ARHGEF10L: variants seen among roughly 807,000 people sequenced by gnomAD.
ARHGEF10L encodes rho guanine nucleotide exchange factor 10-like protein.
A neutral mutation model predicts 141.2 loss-of-function variants in ARHGEF10L; 69 were observed. That is an observed-to-expected ratio of 0.49 (90% CI 0.40 to 0.60). The LOEUF is 0.60. Among genes scored for constraint, ARHGEF10L ranks in the 20% least tolerant of loss-of-function variants. ARHGEF10L has a pLI of 0.00. For synonymous variants in ARHGEF10L, 711 were observed against 718.5 expected (o/e 0.99, Z 0.17); for missense variants, 1,482 against 1,734.3 (o/e 0.85, Z 2.58).
At chr1:17,594,087 A>G (rs1348715198) in intron 4 of ARHGEF10L, among the ~76,000 whole-genome samples, 1 of 151,502 alleles carries the variant, frequency 6.6e-6, no homozygotes, top group Admixed American at 6.6e-5. Flanking sequence ...ATGCTCTGCC[A>G]GGCCATGTTA....
At chr1:17,516,801 T>C in the ARHGEF10L span, among the ~76,000 whole-genome samples, 1 of 152,008 alleles carries the variant, frequency 6.6e-6, no homozygotes, top group African/African-American at 2.4e-5. Flanking sequence ...AACGAAGAGG[T>C]CTCCATGCTA....
chr1:17,610,971 T>A (rs985126352), intron 7 of ARHGEF10L, among the ~76,000 whole-genome samples: 1 of 151,474 alleles, frequency 6.6e-6, no homozygotes, highest in Admixed American at 6.6e-5. Context: ...TTTCCAGTTG[T>A]GGGATGGATT....
At chr1:17,637,239 T>A (rs2061054693) in intron 18 of ARHGEF10L, among the ~76,000 whole-genome samples, 1 of 152,240 alleles carries the variant, frequency 6.6e-6, no homozygotes, top group Non-Finnish European at 1.5e-5. Flanking sequence ...TTGCTGTTCA[T>A]GGGCTGCCTC....
intron 26 of ARHGEF10L, 51 bp downstream of exon 26, chr1:17,664,646 C>G: frequency 6.8e-7 from 1 of 1,461,912 alleles, no homozygotes; most frequent in Non-Finnish European, 9.0e-7. Context: ...CTTCCTTTTG[C>G]TGACCCTTTC....
intron 26 of ARHGEF10L, among the ~76,000 whole-genome samples, chr1:17,679,022 T>A (rs2063907851): frequency 6.6e-6 from 1 of 152,110 alleles, no homozygotes; most frequent in South Asian, 2.1e-4. Context: ...CAAAATGGAT[T>A]GTTAAAGGAA....
intron 1 of ARHGEF10L, among the ~76,000 whole-genome samples, chr1:17,547,077 G>A (rs964916161): frequency 5.3e-5 from 8 of 152,088 alleles, no homozygotes; most frequent in African/African-American, 4.8e-5. Flanking sequence ...GGCCTGGCCC[G>A]GCTGTGCCTT....
chr1:17,624,318 C>A, intron 12 of ARHGEF10L, 69 bp from the exon 13 acceptor site: 1 of 1,311,156 alleles, frequency 7.6e-7, no homozygotes, highest in Admixed American at 1.7e-5. Flanking sequence ...CCCTGGCCCA[C>A]ACCTGCCTCG....
rs569381163 is a variant in ARHGEF10L at position 17,545,857 on chromosome 1, T to G, written c.-44+5907T>G. Reference sequence around the variant, plus strand: ...GAATGGGGTAGGGAGAGGGGAACAATTCATGCCTCTGAACCTTTGCACATG... The same window carrying G: ...GAATGGGGTAGGGAGAGGGGAACAAGTCATGCCTCTGAACCTTTGCACATG... On this transcript the variant is annotated intron_variant, in intron 1 of 28. Coordinates refer to ENST00000361221, the MANE Select transcript of ARHGEF10L (RefSeq NM_018125.4). Among the ~76,000 whole-genome samples, 5 of 152,300 alleles carry G rather than the reference T, an allele frequency of 3.3e-5. No homozygotes were observed. In the South Asian group the frequency reaches 1.0e-3, roughly 32 times the overall value.
chr1:17,581,065 A>G (rs1236172703), intron 2 of ARHGEF10L, among the ~76,000 whole-genome samples: 4 of 152,098 alleles, frequency 2.6e-5, no homozygotes, highest in Non-Finnish European at 4.4e-5. Flanking sequence ...CTGTAATCCC[A>G]GCACTTTGGG....
At chr1:17,543,315 G>A (rs2076797624) in intron 1 of ARHGEF10L, among the ~76,000 whole-genome samples, 1 of 152,172 alleles carries the variant, frequency 6.6e-6, no homozygotes, top group African/African-American at 2.4e-5. Flanking sequence ...AGGAGCGATG[G>A]CTCATGCGTG....
At chr1:17,535,076 TAC>T (rs2100556123), upstream of ARHGEF10L, among the ~76,000 whole-genome samples, 1 of 152,322 alleles carries the variant, frequency 6.6e-6, no homozygotes, top group South Asian at 2.1e-4. Flanking sequence ...GAAATAATTA[TAC>T]AACTCACCAT....
chr1:17,542,686 C>G (rs1249293296), intron 1 of ARHGEF10L, among the ~76,000 whole-genome samples: 1 of 152,142 alleles, frequency 6.6e-6, no homozygotes, highest in Non-Finnish European at 1.5e-5. Flanking sequence ...TTATATTGTA[C>G]TTTCATATCT....
intron 2 of ARHGEF10L, among the ~76,000 whole-genome samples, chr1:17,585,592 G>A (rs1227254303): frequency 2.6e-5 from 4 of 152,198 alleles, no homozygotes; most frequent in South Asian, 4.1e-4. Flanking sequence ...TCTGGGGAGG[G>A]AGGGCGTACT....
chr1:17,688,612 C>T (rs931403607), intron 27 of ARHGEF10L, among the ~76,000 whole-genome samples: 2 of 152,210 alleles, frequency 1.3e-5, no homozygotes, highest in African/African-American at 2.4e-5. Context: ...AAAGGGCCCT[C>T]GGGCCAGGGA....
At chr1:17,531,011 A>C in the ARHGEF10L span, among the ~76,000 whole-genome samples, 2 of 152,082 alleles carry the variant, frequency 1.3e-5, no homozygotes, top group African/African-American at 4.8e-5. Flanking sequence ...TCTCAAAAAA[A>C]AATAAAAATA....
intron 1 of ARHGEF10L, among the ~76,000 whole-genome samples, chr1:17,565,438 A>G (rs2077712346): frequency 6.6e-6 from 1 of 152,116 alleles, no homozygotes; most frequent in Non-Finnish European, 1.5e-5. Context: ...CGAACTATCC[A>G]TGCTTTTGGT....
chr1:17,666,633 C>A (rs1305554316), intron 26 of ARHGEF10L, among the ~76,000 whole-genome samples: 3 of 152,100 alleles, frequency 2.0e-5, no homozygotes, highest in Non-Finnish European at 4.4e-5. Context: ...CCCGGTTCCT[C>A]GGTCCCCTTT....
intron 25 of ARHGEF10L, 80 bp from the exon 26 acceptor site, chr1:17,664,367 C>A (rs1177893204): frequency 1.1e-5 from 17 of 1,482,260 alleles, no homozygotes; most frequent in Non-Finnish European, 1.4e-5. Context: ...CCCTGCTGAG[C>A]CCCCTGCTGC....
chr1:17,566,211 T>G (rs1173806154), intron 1 of ARHGEF10L, among the ~76,000 whole-genome samples: 2 of 152,258 alleles, frequency 1.3e-5, no homozygotes, highest in South Asian at 2.1e-4. Flanking sequence ...TCATTCTTTG[T>G]GTTGGGGCTG....
Sources: gnomAD v4.1 joint callset for allele counts (sites outside exome capture counted in the v4.1 genomes callset) on GRCh38, gnomAD v4.1.1 for gene constraint, MANE v1.5 for transcripts, NCBI Gene and HGNC (gene_info 2026-07-23, HGNC 2026-07-21) for gene names.